Variants in CEP57L1 observed in about 807,000 individuals in gnomAD.
CEP57L1 encodes centrosomal protein 57 like 1, also known as centrosomal protein CEP57L1.
A neutral mutation model predicts 61.0 loss-of-function variants in CEP57L1; 37 were observed. The observed-to-expected ratio is 0.61, with a 90% CI of 0.47 to 0.80. CEP57L1 has a LOEUF of 0.80. Ranked by LOEUF, CEP57L1 falls within the 30% of genes least tolerant of loss-of-function variation. The pLI is 0.00. For missense variants in CEP57L1, 422 were observed against 524.7 expected (o/e 0.80, Z 1.91); for synonymous variants, 137 against 162.3 (o/e 0.84, Z 1.19).
intron 7 of CEP57L1, chr6:109,158,762 T>C (rs1489145606): frequency 3.8e-6 from 2 of 528,298 alleles, no homozygotes; most frequent in African/African-American, 3.8e-5. Flanking sequence ...ACATTTGTTA[T>C]TGTCACTGTT....
chr6:109,119,667 A>G (rs1246357319), intron 1 of CEP57L1, among the ~76,000 whole-genome samples: 1 of 152,232 alleles, frequency 6.6e-6, no homozygotes, highest in Non-Finnish European at 1.5e-5. Flanking sequence ...GAAGTAAAGA[A>G]CAAATAAATG....
At chr6:109,110,434 AGATG>A (rs1771467596) in intron 1 of CEP57L1, among the ~76,000 whole-genome samples, 1 of 151,594 alleles carries the variant, frequency 6.6e-6, no homozygotes, top group Admixed American at 6.6e-5. Context: ...ATGGATAGTC[AGATG>A]GATAGACTGC....
At chr6:109,143,913 G>A (rs1187475662) in intron 1 of CEP57L1, among the ~76,000 whole-genome samples, 1 of 152,080 alleles carries the variant, frequency 6.6e-6, no homozygotes, top group Non-Finnish European at 1.5e-5. Flanking sequence ...CCATCTTCAG[G>A]ATTTACGTAC....
intron 1 of CEP57L1, among the ~76,000 whole-genome samples, chr6:109,131,719 C>A (rs1202460806): frequency 2.0e-5 from 3 of 151,458 alleles, no homozygotes; most frequent in Non-Finnish European, 4.4e-5. Context: ...GAGTTGACAG[C>A]AAAGTAAGGT....
chr6:109,151,219 A>G lies in CEP57L1; in HGVS notation c.462+980A>G, dbSNP rs191800261. On this transcript the variant is annotated intron_variant, in intron 4 of 10. Transcript: ENST00000517392. ...TACTGGATATTGATGGGTCAAATACATAACAGATTTTTAAGGAACTAGAGA... is the reference window on the plus strand; with the variant it reads ...TACTGGATATTGATGGGTCAAATACGTAACAGATTTTTAAGGAACTAGAGA... Among the ~76,000 whole-genome samples the G allele has an allele frequency of 6.6e-4, 100 of 152,342 alleles. No homozygotes were observed. In the East Asian group the frequency reaches 0.015, roughly 23 times the overall value.
intron 1 of CEP57L1, among the ~76,000 whole-genome samples, chr6:109,119,388 A>G (rs1772682966): frequency 6.6e-6 from 1 of 152,154 alleles, no homozygotes; most frequent in African/African-American, 2.4e-5. Context: ...GGGACACCTA[A>G]TCAGTGGTGG....
intron 1 of CEP57L1, among the ~76,000 whole-genome samples, chr6:109,139,427 G>C (rs1771101279): frequency 6.6e-6 from 1 of 152,010 alleles, no homozygotes; most frequent in African/African-American, 2.4e-5. Context: ...GGCCACCATA[G>C]TAGCTGGAAT....
intron 1 of CEP57L1, among the ~76,000 whole-genome samples, chr6:109,124,111 T>C (rs74753325): frequency 6.6e-6 from 1 of 151,956 alleles, no homozygotes; most frequent in Non-Finnish European, 1.5e-5. Context: ...TGCCTTATCA[T>C]CTCTCACATA....
intron 1 of CEP57L1, among the ~76,000 whole-genome samples, chr6:109,119,374 G>C (rs1177414474): frequency 6.6e-6 from 1 of 152,166 alleles, no homozygotes; most frequent in Non-Finnish European, 1.5e-5. Flanking sequence ...TGAGGGCCTA[G>C]GCTGGGACAC....
At chr6:109,153,188 C>T (rs752503933) in intron 4 of CEP57L1, among the ~76,000 whole-genome samples, 38 of 145,836 alleles carry the variant, frequency 2.6e-4, no homozygotes, top group Middle Eastern at 3.6e-3. Flanking sequence ...GATGCATAGA[C>T]GAGTTTGTTT....
At chr6:109,136,524 C>G (rs2114801580) in intron 1 of CEP57L1, among the ~76,000 whole-genome samples, 1 of 149,256 alleles carries the variant, frequency 6.7e-6, no homozygotes, top group Non-Finnish European at 1.5e-5. Flanking sequence ...TGTAACAAAC[C>G]TGCACGTTGT....
At chr6:109,095,168 C>G (rs1338528178), upstream of CEP57L1, 4 of 985,400 alleles carry the variant, frequency 4.1e-6, no homozygotes, top group African/African-American at 1.7e-5. Flanking sequence ...GGGCCAAGCG[C>G]CCCCGGAGGC....
intron 3 of CEP57L1, among the ~76,000 whole-genome samples, chr6:109,148,731 A>G (rs1772250031): frequency 6.6e-6 from 1 of 152,140 alleles, no homozygotes; most frequent in Non-Finnish European, 1.5e-5. Context: ...TTACAGTCCC[A>G]CCAACAATGT....
At position 109,165,368 on chromosome 6, in the gene CEP57L1, T is replaced by G. The variant is rs1352872842; in HGVS notation, c.*2398T>G. Among the ~76,000 whole-genome samples the G allele has an allele frequency of 6.6e-6, 1 of 151,186 alleles. No individual in the cohort carries two copies. Among genetic ancestry groups the G allele is most frequent in the Non-Finnish European group, 1.5e-5 (1 of 67,884 alleles). On this transcript the variant is annotated 3_prime_UTR_variant, in exon 11 of 11. Coordinates refer to ENST00000517392, the MANE Select transcript of CEP57L1 (RefSeq NM_001271852.3). ...CATGGGAAAGCACCCAGCAGAAGAG[T>G]TGACACTTATTAAACACTCAATAAA... is the stretch of plus-strand genomic sequence containing the variant.
Position 109,146,750 on chromosome 6 carries a change from T to G in CEP57L1, c.161-8T>G. The G allele has an allele frequency of 2.0e-6, 3 of 1,534,622 alleles. No homozygotes were observed. The highest frequency in any genetic ancestry group is 2.6e-6 in the Non-Finnish European group (3 of 1,145,024). On this transcript the variant is annotated splice_region_variant and splice_polypyrimidine_tract_variant and intron_variant, in intron 2 of 10. Transcript: ENST00000517392. The stretch of plus-strand genomic sequence containing the variant: ...ACTTAAAATATCAACAAAATTTTTT[T>G]TCAACAGCTCTTATTTTAGCCTTAA...
intron 1 of CEP57L1, among the ~76,000 whole-genome samples, chr6:109,136,492 G>T (rs138334254): frequency 2.0e-5 from 3 of 148,324 alleles, no homozygotes; most frequent in Non-Finnish European, 4.4e-5. Flanking sequence ...TGCAGCCCAC[G>T]AACATGGCAC....
At position 109,165,662 on chromosome 6, in the gene CEP57L1, T is replaced by C. The variant is rs1294422250; in HGVS notation, c.*2692T>C. On this transcript the variant is annotated 3_prime_UTR_variant, in exon 11 of 11. Transcript: ENST00000517392. ...ACACACAGCAAATAGGTTTGGAGTATGGTGTGGTTGTTGAGGTGACATTTA... is the reference window on the plus strand; with the variant it reads ...ACACACAGCAAATAGGTTTGGAGTACGGTGTGGTTGTTGAGGTGACATTTA... 6.6e-6 allele frequency among the ~76,000 whole-genome samples: 1 copy of C among 152,160 alleles called. No individual in the cohort carries two copies. Among genetic ancestry groups the C allele is most frequent in the Non-Finnish European group, 1.5e-5 (1 of 68,022 alleles).
chr6:109,111,712 A>G (rs1005572294), intron 1 of CEP57L1, among the ~76,000 whole-genome samples: 4 of 152,048 alleles, frequency 2.6e-5, no homozygotes, highest in Admixed American at 6.6e-5. Context: ...TACCTACTTT[A>G]TTGAGAGTTT....
intron 3 of CEP57L1, 50 bp from the exon 4 acceptor site, chr6:109,150,068 G>A (rs756197871): frequency 8.7e-7 from 1 of 1,152,954 alleles, no homozygotes; most frequent in Non-Finnish European, 1.3e-6. Context: ...TCTGCAAACA[G>A]GGACAATTTG....
Sources: gnomAD v4.1 joint callset for allele counts (sites outside exome capture counted in the v4.1 genomes callset) on GRCh38, gnomAD v4.1.1 for gene constraint, MANE v1.5 for transcripts, NCBI Gene and HGNC (gene_info 2026-07-23, HGNC 2026-07-21) for gene names.